PPM1B: variants seen among roughly 807,000 people sequenced by gnomAD.
PPM1B encodes protein phosphatase, Mg2+/Mn2+ dependent 1B.
PPM1B carries 22 observed loss-of-function variants against 43.0 expected under a neutral mutation model. That is an observed-to-expected ratio of 0.51 (90% confidence interval 0.37 to 0.73). The LOEUF is 0.73. Among genes scored for constraint, PPM1B ranks in the 30% least tolerant of loss-of-function variants. The pLI, the probability that PPM1B is intolerant of heterozygous loss-of-function variation, is 0.00. For synonymous variants in PPM1B, 217 were observed against 197.9 expected (o/e 1.10, Z -0.81); for missense variants, 632 against 584.2 (o/e 1.08, Z -0.84).
chr2:44,188,709 GCCTGCTTTCCTTCCTTCCTTCCTTCCTT>G, intron 1 of PPM1B, among the ~76,000 whole-genome samples: 2 of 150,310 alleles, frequency 1.3e-5, no homozygotes. Context: ...CTGCCTGCCT[GCCTGCTTTCCTTCCTTCCTTCCTTCCTT>G]CTTTCCTTCC....
intron 1 of PPM1B, among the ~76,000 whole-genome samples, chr2:44,195,719 C>G (rs994010186): frequency 6.6e-6 from 1 of 152,182 alleles, no homozygotes; most frequent in Non-Finnish European, 1.5e-5. Context: ...TAGTAATCTT[C>G]TCCTTTGAGT....
intron 1 of PPM1B, among the ~76,000 whole-genome samples, chr2:44,182,094 T>G (rs1298660459): frequency 6.6e-6 from 1 of 152,140 alleles, no homozygotes; most frequent in Non-Finnish European, 1.5e-5. Flanking sequence ...CGACTGATAG[T>G]TGGCTAATTC....
chr2:44,230,022 C>G (rs371210019), intron 5 of PPM1B: 2 of 1,591,626 alleles, frequency 1.3e-6, no homozygotes, highest in African/African-American at 1.3e-5. Flanking sequence ...GTTCTGATGG[C>G]CTGCTTTTCT....
At position 44,201,735 on chromosome 2, in the gene PPM1B, G is replaced by C. The variant is rs1328944111; in HGVS notation, c.536G>C (p.Arg179Pro). The C allele has an allele frequency of 6.2e-7, 1 of 1,614,060 alleles. No homozygotes were observed. The highest frequency in any genetic ancestry group is 1.3e-5 in the African/African-American group (1 of 74,922). ...HKPCNPREKE[R>P]IQNAGGSVMI... ...CCTTGCAATCCAAGGGAAAAGGAGCGAATCCAAAATGCAGGAGGCAGCGTG... is the reference window on the plus strand; with the variant it reads ...CCTTGCAATCCAAGGGAAAAGGAGCCAATCCAAAATGCAGGAGGCAGCGTG... Residue 179 changes from arginine (R) to proline (P), a missense_variant, in exon 2 of 6, where the codon CGA (arginine) becomes CCA (proline). Arg to Pro is a moderately radical substitution (Grantham distance 103). Around this residue, in one of 3 missense-constraint regions of PPM1B, gnomAD observed 40 missense variants for 80.8 expected, o/e 0.50. Coordinates refer to ENST00000282412, the MANE Select transcript of PPM1B (RefSeq NM_002706.6). The surrounding 1 kb of genome is among the most constrained non-coding windows in gnomAD (Gnocchi z 5.4).
At chr2:44,171,575 A>T (rs558229999) in intron 1 of PPM1B, among the ~76,000 whole-genome samples, 1 of 152,176 alleles carries the variant, frequency 6.6e-6, no homozygotes, top group Non-Finnish European at 1.5e-5. Flanking sequence ...CATGCCTGTA[A>T]TCTCAGCACT....
At chr2:44,220,208 C>G (rs915127660) in intron 5 of PPM1B, among the ~76,000 whole-genome samples, 1 of 151,762 alleles carries the variant, frequency 6.6e-6, no homozygotes, top group Middle Eastern at 3.2e-3. Context: ...TAGAAGTACT[C>G]CCATTTCCTC....
chr2:44,230,889 G>A lies in PPM1B; in HGVS notation c.*171G>A, dbSNP rs1215563646. 7.4e-7 allele frequency: 1 copy of A among 1,352,430 alleles called. No homozygotes were observed. Among genetic ancestry groups the A allele is most frequent in the African/African-American group, 1.5e-5 (1 of 67,614 alleles). The allele number at this position is 1,352,430 out of a possible 1,614,324, so 83.8% of individuals were successfully genotyped here. ...TTTGCATACACCTTTATGAGATAGT[G>A]TAAAATTGACTATTTATAGTACTAT... On this transcript the variant is annotated 3_prime_UTR_variant, in exon 6 of 6. Transcript: ENST00000282412.
At chr2:44,233,324 G>C (rs1415771922), downstream of PPM1B, 2 of 975,652 alleles carry the variant, frequency 2.0e-6, no homozygotes, top group African/African-American at 3.5e-5. Context: ...TATTTTCATG[G>C]GTTCAGTAAC....
chr2:44,176,358 G>A (rs939503759), intron 1 of PPM1B, among the ~76,000 whole-genome samples: 1 of 152,216 alleles, frequency 6.6e-6, no homozygotes, highest in African/African-American at 2.4e-5. Flanking sequence ...ATAGCTGAAG[G>A]ATTAGTGGTT....
In PPM1B at chr2:44,218,387, T is replaced by C. The variant is rs2104222909; in HGVS notation, c.1077-93T>C. 5.1e-6 allele frequency: 5 copies of C among 972,226 alleles called. No individual in the cohort carries two copies. The South Asian group carries it at 7.4e-5, about 14-fold the overall frequency. The allele number at this position is 972,226 out of a possible 1,614,324, so 60.2% of individuals were successfully genotyped here. ...GACAAGTATAGAGTGTACCAGTTAC[T>C]TTTTTAGTGTGGTCAGGATGAAATA... is the stretch of plus-strand genomic sequence containing the variant. On this transcript the variant is annotated intron_variant, in intron 4 of 5. Transcript: ENST00000282412.
At chr2:44,223,606 A>C (rs1304893080) in intron 5 of PPM1B, among the ~76,000 whole-genome samples, 1 of 151,482 alleles carries the variant, frequency 6.6e-6, no homozygotes, top group Non-Finnish European at 1.5e-5. Context: ...TCAGGAGATC[A>C]AGACCATCCT....
intron 1 of PPM1B, among the ~76,000 whole-genome samples, chr2:44,185,088 T>C (rs1221763877): frequency 6.6e-6 from 1 of 151,918 alleles, no homozygotes; most frequent in East Asian, 1.9e-4. Flanking sequence ...ATTGTATACA[T>C]TTTATGCTTA....
chr2:44,171,232 C>G (rs2103982450), intron 1 of PPM1B, among the ~76,000 whole-genome samples: 1 of 152,188 alleles, frequency 6.6e-6, no homozygotes, highest in East Asian at 1.9e-4. Flanking sequence ...GGTGAAAGGC[C>G]TTTCAATTTA....
intron 1 of PPM1B, among the ~76,000 whole-genome samples, chr2:44,186,271 C>G (rs1002796701): frequency 2.6e-5 from 4 of 152,160 alleles, no homozygotes; most frequent in African/African-American, 9.7e-5. Context: ...GAGTACTTGG[C>G]TATATCATAG....
rs200186918 is a variant in PPM1B, at chr2:44,201,247, T to C, written c.48T>C (p.His16=). ...CCAAAACTGAAAAACATAATGCTCA[T>C]GGTGCTGGGAATGGTTTACGTTATG... is the stretch of plus-strand genomic sequence containing the variant. ...DKPKTEKHNA[H]GAGNGLRYGL... is the part of the protein sequence containing the mutation. The change falls in exon 2 of 6, where the codon CAT becomes CAC. Residue 16 remains histidine, a synonymous_variant. Transcript: ENST00000282412. The surrounding 1 kb of genome is among the most constrained non-coding windows in gnomAD (Gnocchi z 5.4). 3.4e-5 allele frequency: 55 copies of C among 1,611,548 alleles called. No individual in the cohort carries two copies. The Admixed American group carries it at 4.2e-4, about 12-fold the overall frequency.
In PPM1B at chr2:44,184,703, C is replaced by T. The variant is rs551707326; in HGVS notation, c.-15+15429C>T. Among the ~76,000 whole-genome samples, 10 of 152,102 alleles carry T rather than the reference C, an allele frequency of 6.6e-5. No individual in the cohort carries two copies. The South Asian group carries it at 2.1e-3, about 32-fold the overall frequency. On this transcript the variant is annotated intron_variant, in intron 1 of 5. Transcript: ENST00000282412. ...CTTCTCCCCTAAGTTGCTGTTGGCA[C>T]AGACTAAATCAGGGATTCTTAAGCT...
At chr2:44,181,956 A>G (rs1432142558) in intron 1 of PPM1B, among the ~76,000 whole-genome samples, 1 of 152,192 alleles carries the variant, frequency 6.6e-6, no homozygotes, top group East Asian at 1.9e-4. Context: ...ATAAAGAAAA[A>G]AGAATAAAGT....
chr2:44,199,100 T>C (rs1281471365), intron 1 of PPM1B, among the ~76,000 whole-genome samples: 3 of 151,544 alleles, frequency 2.0e-5, no homozygotes, highest in Non-Finnish European at 4.4e-5. Context: ...CTACTAAAAA[T>C]ACAAAAAATT....
At chr2:44,203,482 G>A (rs1237436384) in intron 2 of PPM1B, among the ~76,000 whole-genome samples, 13 of 146,708 alleles carry the variant, frequency 8.9e-5, no homozygotes, top group African/African-American at 1.2e-4. Context: ...ATAAAAAAAA[G>A]GTATATACTT....
Sources: gnomAD v4.1 joint callset for allele counts (sites outside exome capture counted in the v4.1 genomes callset) on GRCh38, gnomAD v4.1.1 for gene constraint, gnomAD v4.1.1 regional missense constraint, Gnocchi (gnomAD v3.1) non-coding constraint, MANE v1.5 for transcripts, NCBI Gene and HGNC (gene_info 2026-07-23, HGNC 2026-07-21) for gene names.